The following CHD9 variants were observed in gnomAD, a reference collection of about 807,000 sequenced individuals.
CHD9 encodes ATP-dependent chromatin remodeler CHD9.
A neutral mutation model predicts 316.1 loss-of-function variants in CHD9; 77 were observed. The ratio of observed to expected loss-of-function variants is 0.24; its 90% CI spans 0.20 to 0.29. CHD9 has a LOEUF of 0.29. Among genes scored for constraint, CHD9 ranks in the 10% least tolerant of loss-of-function variants. CHD9 has a pLI of 1.00. For synonymous variants in CHD9, 1,129 were observed against 1,158.3 expected (o/e 0.97, Z 0.51); for missense variants, 2,763 against 3,438.1 (o/e 0.80, Z 4.91).
intron 1 of CHD9, among the ~76,000 whole-genome samples, chr16:53,151,548 G>T (rs144830655): frequency 1.3e-5 from 2 of 152,002 alleles, no homozygotes; most frequent in Non-Finnish European, 2.9e-5. Flanking sequence ...GAGACACCAC[G>T]TCCAGCCTCT....
intron 3 of CHD9, among the ~76,000 whole-genome samples, chr16:53,221,861 G>A (rs1290091973): frequency 6.6e-6 from 1 of 151,984 alleles, no homozygotes; most frequent in Admixed American, 6.6e-5. Context: ...GGCTTTTAAC[G>A]AATAGGGGGA....
rs1291726042 is a variant in CHD9 at position 53,235,301 on chromosome 16, C to T, written c.2628C>T (p.Tyr876=). ...EGLNWLLFNW[Y]NRRNCILADE... Reference sequence around the variant, plus strand: ...TCAACTGGCTCTTGTTCAATTGGTACAATAGGTATGTAGTATATCTTAATA... The same window carrying T: ...TCAACTGGCTCTTGTTCAATTGGTATAATAGGTATGTAGTATATCTTAATA... The change falls in exon 11 of 39, where the codon TAC becomes TAT. Residue 876 remains tyrosine, a synonymous_variant. Coordinates refer to ENST00000447540, the MANE Select transcript of CHD9 (RefSeq NM_001308319.2). 6.5e-7 allele frequency: 1 copy of T among 1,544,490 alleles called. No homozygotes were observed. The highest frequency in any genetic ancestry group is 2.5e-5 in the East Asian group (1 of 40,740).
At chr16:53,175,024 G>A (rs920122697) in intron 2 of CHD9, among the ~76,000 whole-genome samples, 3 of 152,142 alleles carry the variant, frequency 2.0e-5, no homozygotes, top group Non-Finnish European at 2.9e-5. Context: ...GCAATCTTTT[G>A]TATAGGGCTA....
chr16:53,297,363 A>AG (rs1363849862), intron 30 of CHD9, among the ~76,000 whole-genome samples: 31 of 152,222 alleles, frequency 2.0e-4, no homozygotes, highest in Non-Finnish European at 4.4e-5. Flanking sequence ...AAGAGAATAA[A>AG]GGTATACACT....
At chr16:53,315,365 T>C (rs903130902) in intron 36 of CHD9, among the ~76,000 whole-genome samples, 1 of 152,272 alleles carries the variant, frequency 6.6e-6, no homozygotes, top group Admixed American at 6.5e-5. Context: ...ATAATGATTA[T>C]AGTAAACATG....
At chr16:53,146,524 T>A (rs955162388) in intron 1 of CHD9, among the ~76,000 whole-genome samples, 1 of 148,262 alleles carries the variant, frequency 6.7e-6, no homozygotes, top group Non-Finnish European at 1.5e-5. Flanking sequence ...GAGGATGGAC[T>A]TGGTGGCTCA....
chr16:53,319,792 T>C lies in CHD9; in HGVS notation c.7713+1452T>C. 3.2e-6 allele frequency: 4 copies of C among 1,240,312 alleles called. No homozygotes were observed. In the South Asian group the frequency reaches 5.4e-5, roughly 17 times the overall value. 76.8% of individuals were successfully genotyped at this position (1,240,312 alleles called of 1,614,324 possible). A position where few individuals can be genotyped will look rare whatever the true frequency, so the allele number is the denominator to read the frequency against. ...CCTTAATTTGTAGAGTTTCTAATTG[T>C]CTTGAGTCTCTCGGGTACAGGCTTA... On this transcript the variant is annotated intron_variant, in intron 37 of 38. Transcript: ENST00000447540.
At chr16:53,194,572 CAAAAGAT>C (rs1400354559) in intron 2 of CHD9, among the ~76,000 whole-genome samples, 1 of 151,796 alleles carries the variant, frequency 6.6e-6, no homozygotes, top group Non-Finnish European at 1.5e-5. Flanking sequence ...GACCCTGTCT[CAAAAGAT>C]AAAATTTTAA....
At chr16:53,282,059 C>G (rs1215546213) in intron 24 of CHD9, among the ~76,000 whole-genome samples, 3 of 152,066 alleles carry the variant, frequency 2.0e-5, no homozygotes, top group African/African-American at 7.2e-5. Context: ...GGCTCCTTTC[C>G]CCTAGCCTGA....
intron 1 of CHD9, among the ~76,000 whole-genome samples, chr16:53,143,400 T>TTATTTATTTATC (rs1380176296): frequency 4.2e-5 from 6 of 141,472 alleles, no homozygotes; most frequent in African/African-American, 1.1e-4. Flanking sequence ...ATTTATTTAT[T>TTATTTATTTATC]TATCTGAGGC....
chr16:53,131,251 G>T, intron 1 of CHD9: 1 of 150,194 alleles, frequency 6.7e-6, no homozygotes, highest in South Asian at 1.9e-4. Context: ...GGCGGGGGGC[G>T]GCGGGGGCGC....
At chr16:53,083,706 CT>C (rs2035223153) in intron 1 of CHD9, among the ~76,000 whole-genome samples, 1 of 150,484 alleles carries the variant, frequency 6.6e-6, no homozygotes, top group African/African-American at 2.4e-5. Context: ...GTCCTTGAAA[CT>C]TTTTTTTGAA....
At chr16:53,116,456 C>T (rs1267239054) in intron 1 of CHD9, among the ~76,000 whole-genome samples, 1 of 152,168 alleles carries the variant, frequency 6.6e-6, no homozygotes. Flanking sequence ...CCTCCAGGAG[C>T]CAGGATAAGG....
At chr16:53,191,305 A>G (rs534860932) in intron 2 of CHD9, among the ~76,000 whole-genome samples, 1 of 151,884 alleles carries the variant, frequency 6.6e-6, no homozygotes, top group South Asian at 2.1e-4. Flanking sequence ...TTTTTGAGTT[A>G]TAATTTACAC....
At chr16:53,143,358 T>TTTA (rs2040280300) in intron 1 of CHD9, among the ~76,000 whole-genome samples, 1 of 137,982 alleles carries the variant, frequency 7.2e-6, no homozygotes, top group Non-Finnish European at 1.5e-5. Context: ...TTTTATCTTA[T>TTTA]TTTATTTATT....
At chr16:53,205,648 A>C (rs544848129) in intron 2 of CHD9, among the ~76,000 whole-genome samples, 3 of 152,218 alleles carry the variant, frequency 2.0e-5, no homozygotes, top group Non-Finnish European at 4.4e-5. Flanking sequence ...TAGATTTATT[A>C]AGGTTTATTA....
At chr16:53,193,173 G>C (rs1036576292) in intron 2 of CHD9, among the ~76,000 whole-genome samples, 2 of 152,080 alleles carry the variant, frequency 1.3e-5, no homozygotes, top group Non-Finnish European at 2.9e-5. Flanking sequence ...CATCCGGCCG[G>C]GCACGGTGGC....
chr16:53,244,159 A>C (rs1280493510), intron 13 of CHD9, among the ~76,000 whole-genome samples: 1 of 149,378 alleles, frequency 6.7e-6, no homozygotes, highest in East Asian at 1.9e-4. Context: ...ATTCTGTTTA[A>C]TTTTTAAGGA....
chr16:53,185,972 A>G (rs1195396153), intron 2 of CHD9, among the ~76,000 whole-genome samples: 2 of 152,222 alleles, frequency 1.3e-5, no homozygotes, highest in African/African-American at 4.8e-5. Flanking sequence ...GCCCTCATGG[A>G]GAACCTCTGC....
Sources: gnomAD v4.1 joint callset for allele counts (sites outside exome capture counted in the v4.1 genomes callset) on GRCh38, gnomAD v4.1.1 for gene constraint, MANE v1.5 for transcripts, NCBI Gene and HGNC (gene_info 2026-07-23, HGNC 2026-07-21) for gene names.